CENPT: variants seen among roughly 807,000 people sequenced by gnomAD.
CENPT encodes interphase centromere complex protein 22.
CENPT carries 42 observed loss-of-function variants against 59.7 expected under a neutral mutation model. The observed-to-expected ratio is 0.70, with a 90% CI of 0.55 to 0.91. The LOEUF (loss-of-function observed/expected upper bound fraction) is 0.91. CENPT is among the 40% of genes least tolerant of loss of function. The pLI, the probability that CENPT is intolerant of heterozygous loss-of-function variation, is 0.00. For synonymous variants in CENPT, 295 were observed against 289.6 expected, an observed-to-expected ratio of 1.02 and a Z score of -0.19; for missense variants, 716 against 713.4, an observed-to-expected ratio of 1.00 and a Z score of -0.04.
In CENPT at chr16:67,833,892, C is replaced by A. The variant is rs557504556; in HGVS notation, c.-33G>T. On this transcript the variant is annotated 5_prime_UTR_variant, in exon 4 of 16. Transcript: ENST00000562787. ...GCCCCGGGCCCTCCTAACCGCCCAG[C>A]CAGCTGCAGGCTCCGCCTTCCCGCC... 27 of 1,379,970 alleles carry A rather than the reference C, an allele frequency of 2.0e-5. No individual in the cohort carries two copies. In the South Asian group the frequency reaches 3.4e-4, roughly 17 times the overall value. 85.5% of individuals were successfully genotyped at this position (1,379,970 alleles called of 1,614,324 possible). A position where few individuals can be genotyped will look rare whatever the true frequency, so the allele number is the denominator to read the frequency against.
Position 67,832,465 on chromosome 16 carries a change from T to C in CENPT, c.191A>G (p.His64Arg). The part of the protein sequence containing the change: ...QTRTIARGRS[H>R]GARSVGRSAH... Reference sequence around the variant, plus strand: ...GGGCTGGGTACTTACCCTGGCTCCATGGGAACGCCCTCTGGCTATCGTCCT... The same window carrying C: ...GGGCTGGGTACTTACCCTGGCTCCACGGGAACGCCCTCTGGCTATCGTCCT... The change falls in exon 5 of 16, where the codon CAT becomes CGT. Residue 64 changes from histidine (H) to arginine (R), a missense_variant. Transcript: ENST00000562787. 1.2e-6 allele frequency: 2 copies of C among 1,614,166 alleles called. No individual in the cohort carries two copies. The highest frequency in any genetic ancestry group is 1.7e-5 in the Admixed American group (1 of 60,030).
At chr16:67,834,850 GT>G (rs768796302) in intron 3 of CENPT, among the ~76,000 whole-genome samples, 10 of 151,648 alleles carry the variant, frequency 6.6e-5, no homozygotes. Context: ...AAAAATTGGG[GT>G]TTTTTTTGAG....
At chr16:67,847,130 A>T (rs1261297801) in intron 1 of CENPT, 1 of 129,688 alleles carries the variant, frequency 7.7e-6, no homozygotes, top group Non-Finnish European at 1.6e-5. Flanking sequence ...GGCCCGGGCC[A>T]TGTGTCGCGC....
Position 67,831,825 on chromosome 16 carries a change from C to A in CENPT, c.452G>T (p.Gly151Val). ...CAGTCTCAGCCTCTGTTTCCTCCTG[C>A]CAGGGGCCAGCAGACCTGGAGCCAG... ...TTLAPGLLAP[G>V]RRKQRLRLSV... The change falls in exon 8 of 16, where the codon GGC becomes GTC. Residue 151 changes from glycine (G) to valine (V), a missense_variant. Transcript: ENST00000562787. 1 of 1,606,168 alleles carries A rather than the reference C, an allele frequency of 6.2e-7. No homozygotes were observed. The highest frequency in any genetic ancestry group is 1.1e-5 in the South Asian group (1 of 90,018).
chr16:67,829,251 C>T, intron 13 of CENPT, 172 bp downstream of exon 13: 1 of 564,154 alleles, frequency 1.8e-6, no homozygotes, highest in Non-Finnish European at 3.0e-6. Context: ...GCCGTGGAGG[C>T]AGGCACCAGG....
chr16:67,842,595 A>G lies in CENPT; in HGVS notation c.-492+4806T>C. 1 of 1,546,962 alleles carries G rather than the reference A, an allele frequency of 6.5e-7. No homozygotes were observed. Among genetic ancestry groups the G allele is most frequent in the African/African-American group, 1.4e-5 (1 of 72,966 alleles). ...TGCTGCGTGCCAGGCTGCTACAACA[A>G]CTCGCACCGGGACAAGGCGCTGCAC... is the stretch of plus-strand genomic sequence containing the variant. On this transcript the variant is annotated intron_variant, in intron 1 of 15. Transcript: ENST00000562787. The surrounding 1 kb of genome is among the most constrained non-coding windows in gnomAD (Gnocchi z 4.9).
At chr16:67,844,185 TA>T (rs1326110695) in intron 1 of CENPT, 3 of 166,638 alleles carry the variant, frequency 1.8e-5, no homozygotes, top group African/African-American at 7.2e-5. Flanking sequence ...AAACAAAAAG[TA>T]AGGTTTTTAT....
chr16:67,837,579 G>T (rs2057740992), intron 1 of CENPT, among the ~76,000 whole-genome samples: 1 of 152,062 alleles, frequency 6.6e-6, no homozygotes, highest in African/African-American at 2.4e-5. Flanking sequence ...ACGATGGCAG[G>T]TGCCTGTAAT....
At chr16:67,833,412 CT>C (rs2057711911) in intron 4 of CENPT, among the ~76,000 whole-genome samples, 1 of 152,250 alleles carries the variant, frequency 6.6e-6, no homozygotes, top group African/African-American at 2.4e-5. Context: ...TTCTGAACCC[CT>C]ATCCTCCATC....
At chr16:67,846,351 C>T (rs1025905840) in intron 1 of CENPT, among the ~76,000 whole-genome samples, 4 of 152,266 alleles carry the variant, frequency 2.6e-5, no homozygotes, top group Non-Finnish European at 5.9e-5. Context: ...TTTGAGTCTC[C>T]GGCCCAAGAA....
chr16:67,844,743 G>C (rs1005316768), intron 1 of CENPT, among the ~76,000 whole-genome samples: 1 of 151,892 alleles, frequency 6.6e-6, no homozygotes, highest in Admixed American at 6.6e-5. Flanking sequence ...AAGTTGGGAG[G>C]TGTGATTCCT....
chr16:67,844,830 C>A (rs142945731), intron 1 of CENPT, among the ~76,000 whole-genome samples: 4 of 151,656 alleles, frequency 2.6e-5, no homozygotes, highest in East Asian at 1.9e-4. Context: ...CTCTTGTCAC[C>A]CAGGCTGGAG....
chr16:67,833,956 C>A lies in CENPT; in HGVS notation c.-97G>T. The A allele has an allele frequency of 2.6e-6, 2 of 758,456 alleles. No individual in the cohort carries two copies. Among genetic ancestry groups the A allele is most frequent in the Non-Finnish European group, 3.9e-6 (2 of 511,966 alleles). The allele number at this position is 758,456 out of a possible 1,614,324, so 47.0% of individuals were successfully genotyped here. ...TAACTCTCGCGATGCTCCCGCACAG[C>A]CCCACGGGAATTGTAGTTCTCGCAC... On this transcript the variant is annotated 5_prime_UTR_variant, in exon 4 of 16. Coordinates refer to ENST00000562787, the MANE Select transcript of CENPT (RefSeq NM_025082.4).
At chr16:67,839,403 A>C (rs1390719853) in intron 1 of CENPT, among the ~76,000 whole-genome samples, 1 of 150,050 alleles carries the variant, frequency 6.7e-6, no homozygotes, top group Non-Finnish European at 1.5e-5. Flanking sequence ...AAAAAAAACC[A>C]AAAAAAATTA....
At chr16:67,840,453 G>A (rs951181701) in intron 1 of CENPT, among the ~76,000 whole-genome samples, 3 of 152,168 alleles carry the variant, frequency 2.0e-5, no homozygotes, top group African/African-American at 7.2e-5. Flanking sequence ...GAATATGCAT[G>A]GAGCTGGGGG....
chr16:67,832,605 G>C (rs1159914491), intron 4 of CENPT, 60 bp from the exon 5 acceptor site: 15 of 1,459,776 alleles, frequency 1.0e-5, no homozygotes, highest in African/African-American at 1.4e-5. Flanking sequence ...AGAATATAGA[G>C]ACATGCCTTC....
At position 67,842,185 on chromosome 16, in the gene CENPT, C is replaced by G. The variant is rs887367405; in HGVS notation, c.-492+5216G>C. 3 of 152,582 alleles carry G rather than the reference C, an allele frequency of 2.0e-5. No individual in the cohort carries two copies. The highest frequency in any genetic ancestry group is 4.4e-5 in the Non-Finnish European group (3 of 68,306). 9.5% of individuals were successfully genotyped at this position (152,582 alleles called of 1,614,324 possible). On this transcript the variant is annotated intron_variant, in intron 1 of 15. Transcript: ENST00000562787. This position sits in a 1 kb window ranked among gnomAD's most constrained non-coding sequence, Gnocchi z 4.9. ...CAAGACGGGCTGGGGAAAGAATCTG[C>G]TCTTCGGAGGCTATCGCAGTGCCTT...
Position 67,843,516 on chromosome 16 carries a change from C to T in CENPT, c.-492+3885G>A. ...GGAATGTGAACTGGTGCCCCGGCAG[C>T]CTGCTGGACTCCCAGACCCCATCCA... On this transcript the variant is annotated intron_variant, in intron 1 of 15. Coordinates refer to ENST00000562787, the MANE Select transcript of CENPT (RefSeq NM_025082.4). The surrounding 1 kb of genome is among the most constrained non-coding windows in gnomAD (Gnocchi z 5.7). 2 of 1,592,884 alleles carry T rather than the reference C, an allele frequency of 1.3e-6. No individual in the cohort carries two copies. Among genetic ancestry groups the T allele is most frequent in the Non-Finnish European group, 1.7e-6 (2 of 1,168,944 alleles).
At chr16:67,844,496 T>G (rs755214382) in intron 1 of CENPT, among the ~76,000 whole-genome samples, 5 of 152,212 alleles carry the variant, frequency 3.3e-5, no homozygotes, top group Non-Finnish European at 7.3e-5. Context: ...TAAGCTATAT[T>G]GTGATAGTTC....
Sources: gnomAD v4.1 joint callset for allele counts (sites outside exome capture counted in the v4.1 genomes callset) on GRCh38, gnomAD v4.1.1 for gene constraint, Gnocchi (gnomAD v3.1) non-coding constraint, MANE v1.5 for transcripts, NCBI Gene and HGNC (gene_info 2026-07-23, HGNC 2026-07-21) for gene names.